The following CHD9 variants were observed in gnomAD, a reference collection of about 807,000 sequenced individuals.
The protein encoded by CHD9 is ATP-dependent chromatin remodeler CHD9.
In CHD9, 77 loss-of-function variants were observed where a neutral mutation model predicts 316.1. The ratio of observed to expected loss-of-function variants is 0.24; its 90% CI spans 0.20 to 0.29. The LOEUF is 0.29. CHD9 is among the 10% of genes least tolerant of loss of function. The pLI is 1.00. For missense variants in CHD9, 2,763 were observed against 3,438.1 expected (o/e 0.80, Z 4.91); for synonymous variants, 1,129 against 1,158.3 (o/e 0.97, Z 0.51).
At chr16:53,108,044 A>T (rs1354179109) in intron 1 of CHD9, among the ~76,000 whole-genome samples, 1 of 152,214 alleles carries the variant, frequency 6.6e-6, no homozygotes, top group African/African-American at 2.4e-5. Context: ...AGTGGAGATT[A>T]TAAAGTTGGA....
chr16:53,311,292 A>C (rs181465450), intron 34 of CHD9: 1 of 152,154 alleles, frequency 6.6e-6, no homozygotes, highest in South Asian at 2.1e-4. Context: ...CATCTTAATA[A>C]TTGCAAATAT....
intron 31 of CHD9, among the ~76,000 whole-genome samples, chr16:53,305,185 C>T (rs1008840393): frequency 1.3e-5 from 2 of 152,104 alleles, no homozygotes; most frequent in African/African-American, 4.8e-5. Context: ...CCTCAGCCTC[C>T]TGAGTAGCTA....
chr16:53,322,007 T>C (rs1338941008), intron 38 of CHD9, among the ~76,000 whole-genome samples: 1 of 150,558 alleles, frequency 6.6e-6, no homozygotes, highest in African/African-American at 2.4e-5. Flanking sequence ...TTTCTTTTTT[T>C]TTTTTTTTTA....
At chr16:53,187,785 A>G (rs1160969824) in intron 2 of CHD9, among the ~76,000 whole-genome samples, 2 of 152,168 alleles carry the variant, frequency 1.3e-5, no homozygotes, top group East Asian at 1.9e-4. Flanking sequence ...GACTTTTTGT[A>G]TATTATGGAG....
At chr16:53,247,606 TA>T (rs1376269600) in intron 16 of CHD9, 103 bp downstream of exon 16, 1 of 789,346 alleles carries the variant, frequency 1.3e-6, no homozygotes, top group African/African-American at 1.7e-5. Flanking sequence ...TTCTCTTTGC[TA>T]GATTAGAATA....
At chr16:53,068,931 T>C (rs1302839133) in intron 1 of CHD9, among the ~76,000 whole-genome samples, 1 of 152,240 alleles carries the variant, frequency 6.6e-6, no homozygotes. Flanking sequence ...ACATATTTTA[T>C]TGTGGTAAAA....
At chr16:53,193,807 C>T (rs1160986970) in intron 2 of CHD9, among the ~76,000 whole-genome samples, 1 of 152,116 alleles carries the variant, frequency 6.6e-6, no homozygotes, top group African/African-American at 2.4e-5. Context: ...AGATTAGATA[C>T]TATGATTATC....
intron 24 of CHD9, among the ~76,000 whole-genome samples, chr16:53,280,000 C>T (rs986597807): frequency 6.6e-6 from 1 of 152,064 alleles, no homozygotes; most frequent in Non-Finnish European, 1.5e-5. Flanking sequence ...CAAGAATGGT[C>T]ATAATCAAAA....
At chr16:53,212,987 C>T (rs1277710936) in intron 3 of CHD9, among the ~76,000 whole-genome samples, 1 of 152,092 alleles carries the variant, frequency 6.6e-6, no homozygotes, top group Admixed American at 6.5e-5. Context: ...AGGAAAAAGC[C>T]AAGGCCAGGA....
intron 27 of CHD9, among the ~76,000 whole-genome samples, chr16:53,290,334 A>G (rs1006693778): frequency 9.9e-5 from 15 of 152,170 alleles, no homozygotes; most frequent in African/African-American, 3.6e-4. Context: ...TATGGGAGCT[A>G]AGCAATGGAG....
At chr16:53,208,217 T>G (rs932975447) in intron 2 of CHD9, 7 of 1,169,982 alleles carry the variant, frequency 6.0e-6, no homozygotes, top group Admixed American at 3.7e-5. Context: ...GGTTGCAGCT[T>G]GCTAAATAGG....
intron 11 of CHD9, among the ~76,000 whole-genome samples, chr16:53,236,706 AGCCCTAATTT>A (rs896240880): frequency 2.8e-5 from 4 of 144,154 alleles, no homozygotes; most frequent in African/African-American, 1.0e-4. Flanking sequence ...AATATTTTTC[AGCCCTAATTT>A]GCTCTCTGCT....
intron 12 of CHD9, among the ~76,000 whole-genome samples, chr16:53,240,141 A>G (rs987409792): frequency 6.6e-6 from 1 of 152,084 alleles, no homozygotes; most frequent in Non-Finnish European, 1.5e-5. Context: ...TCTCGAACTC[A>G]TGTAATCCTC....
At chr16:53,082,205 TTTATTTATTTATTTA>T (rs1567314281) in intron 1 of CHD9, among the ~76,000 whole-genome samples, 9 of 12,288 alleles carry the variant, frequency 7.3e-4, no homozygotes, top group African/African-American at 2.6e-3. Flanking sequence ...GAACATTTTA[TTTATTTATTTATTTA>T]TTTATTTATT....
chr16:53,152,088 AAG>A lies in CHD9; in HGVS notation c.-164-3836_-164-3835del, dbSNP rs200081061. ...ACTGTGATGTGCTAACTTCAGAAAT[AAG>A]ATTTACCCCCTCCCTTAGCATTTGC... is the stretch of plus-strand genomic sequence containing the variant. On this transcript the variant is annotated intron_variant, in intron 1 of 38. Transcript: ENST00000447540. Among the ~76,000 whole-genome samples, 269 of 152,188 alleles carry A rather than the reference AAG, an allele frequency of 1.8e-3. 7 individuals are homozygous for A. The East Asian group carries it at 0.04, about 23-fold the overall frequency.
intron 2 of CHD9, among the ~76,000 whole-genome samples, chr16:53,202,609 T>G (rs2045560113): frequency 6.6e-6 from 1 of 152,206 alleles, no homozygotes; most frequent in African/African-American, 2.4e-5. Flanking sequence ...AGTTCCTTTT[T>G]TCCCTGTGCT....
chr16:53,273,859 G>A (rs2052534446), intron 23 of CHD9, 74 bp downstream of exon 23: 1 of 1,378,944 alleles, frequency 7.3e-7, no homozygotes, highest in East Asian at 2.3e-5. Flanking sequence ...CTTTAAGCTT[G>A]CTGATTTTGA....
intron 1 of CHD9, among the ~76,000 whole-genome samples, chr16:53,068,989 C>A (rs2033769446): frequency 6.6e-6 from 1 of 150,550 alleles, no homozygotes; most frequent in African/African-American, 2.5e-5. Context: ...AATGCATTTT[C>A]TTCTTTTATT....
intron 2 of CHD9, among the ~76,000 whole-genome samples, chr16:53,159,672 C>A (rs1388373874): frequency 6.6e-6 from 1 of 152,124 alleles, no homozygotes; most frequent in Non-Finnish European, 1.5e-5. Flanking sequence ...TGCACTGACA[C>A]AATTTCCACT....
Sources: gnomAD v4.1 joint callset for allele counts (sites outside exome capture counted in the v4.1 genomes callset) on GRCh38, gnomAD v4.1.1 for gene constraint, MANE v1.5 for transcripts, NCBI Gene and HGNC (gene_info 2026-07-23, HGNC 2026-07-21) for gene names.